The following FAM20C variants were observed in gnomAD, a reference collection of about 807,000 sequenced individuals.
FAM20C encodes FAM20C golgi associated secretory pathway kinase, also known as extracellular serine/threonine protein kinase FAM20C.
Under a neutral mutation model 51.5 loss-of-function variants are expected in FAM20C, and 40 were observed. That is an observed-to-expected ratio of 0.78 (90% confidence interval 0.60 to 1.01). The LOEUF (loss-of-function observed/expected upper bound fraction) is 1.01, where lower values mean the gene tolerates loss of function less well. FAM20C is among the 50% of genes least tolerant of loss of function. The pLI is 0.00. For synonymous variants in FAM20C, 406 were observed against 380.6 expected (o/e 1.07, Z -0.78); for missense variants, 861 against 844.7 (o/e 1.02, Z -0.24).
chr7:227,398 C>G (rs575988678), intron 3 of FAM20C, among the ~76,000 whole-genome samples: 201 of 151,990 alleles, frequency 1.3e-3, no homozygotes, highest in Non-Finnish European at 2.2e-3. Context: ...GATTTAAGAT[C>G]TCCTTAGACA....
rs775013594 is a variant in FAM20C, at chr7:256,783, G to A, written c.1363+20G>A. On this transcript the variant is annotated intron_variant, in intron 7 of 9. Transcript: ENST00000313766. ...TCATGGGTACGTCCCGCAGGGGCAC[G>A]GGGTCCCCGTGTCACTCGCCTTGCG... 2.5e-5 allele frequency: 39 copies of A among 1,532,172 alleles called. No individual in the cohort carries two copies. Among genetic ancestry groups the A allele is most frequent in the South Asian group, 6.0e-5 (5 of 83,938 alleles). The allele number at this position is 1,532,172 out of a possible 1,614,324, so 94.9% of individuals were successfully genotyped here.
rs906192112 is a variant in FAM20C, at chr7:214,479, G to A, written c.863+5503G>A. Among the ~76,000 whole-genome samples the A allele has an allele frequency of 7.2e-5, 11 of 152,338 alleles. 1 individual carries two copies. Among genetic ancestry groups the A allele is most frequent in the Middle Eastern group, 6.8e-3 (2 of 294 alleles). On this transcript the variant is annotated intron_variant, in intron 3 of 9. Transcript: ENST00000313766. The stretch of plus-strand genomic sequence containing the variant: ...AATTACGTTTGAATGCTGAAAGCAC[G>A]TGTGTTAGGCGAAGAGTGGTGCGGG...
intron 3 of FAM20C, among the ~76,000 whole-genome samples, chr7:243,937 T>C (rs1788040043): frequency 1.5e-5 from 2 of 130,948 alleles, no homozygotes; most frequent in East Asian, 2.2e-4. Context: ...ATAATAATAA[T>C]AATAATAATT....
chr7:213,186 G>A (rs1002836243), intron 3 of FAM20C, among the ~76,000 whole-genome samples: 3 of 137,110 alleles, frequency 2.2e-5, no homozygotes, highest in African/African-American at 7.6e-5. Flanking sequence ...TGAGTGACAT[G>A]GACGGCTGTG....
intron 2 of FAM20C, among the ~76,000 whole-genome samples, chr7:202,173 T>C (rs1786158881): frequency 6.6e-6 from 1 of 152,222 alleles, no homozygotes; most frequent in Non-Finnish European, 1.5e-5. Flanking sequence ...GCAGTGGACA[T>C]CTTCCCATGT....
intron 7 of FAM20C, 62 bp from the exon 8 acceptor site, chr7:256,943 G>A (rs1302233611): frequency 6.6e-7 from 1 of 1,512,326 alleles, no homozygotes; most frequent in Non-Finnish European, 8.9e-7. Flanking sequence ...AGAGCACAGA[G>A]GCCTCTGAGC....
intron 2 of FAM20C, among the ~76,000 whole-genome samples, chr7:196,070 T>C (rs917575979): frequency 7.9e-5 from 12 of 152,102 alleles, no homozygotes; most frequent in African/African-American, 2.7e-4. Flanking sequence ...GGGGTATCTC[T>C]GGCGGCGGTG....
At position 193,187 on chromosome 7, in the gene FAM20C, G is replaced by C. The variant is rs1218283532; in HGVS notation, c.-13G>C. The C allele has an allele frequency of 1.4e-6, 2 of 1,450,888 alleles. No homozygotes were observed. The highest frequency in any genetic ancestry group is 4.3e-5 in the Admixed American group (2 of 46,882). The allele number at this position is 1,450,888 out of a possible 1,614,324, so 89.9% of individuals were successfully genotyped here. On this transcript the variant is annotated 5_prime_UTR_variant, in exon 1 of 10. Coordinates refer to ENST00000313766, the MANE Select transcript of FAM20C (RefSeq NM_020223.4). ...GCAGAACGCGCTCCAGGCCCGGGCC[G>C]GCCCGCGCGGCCATGAAGATGATGC... is the stretch of plus-strand genomic sequence containing the variant.
At chr7:243,174 G>A (rs1330319578) in intron 3 of FAM20C, among the ~76,000 whole-genome samples, 5 of 10,522 alleles carry the variant, frequency 4.8e-4, no homozygotes, top group African/African-American at 4.6e-3. Context: ...TGTGCCACCC[G>A]GGAGACCTGT....
At chr7:248,679 C>T (rs561519613) in intron 5 of FAM20C, among the ~76,000 whole-genome samples, 5 of 145,750 alleles carry the variant, frequency 3.4e-5, no homozygotes, top group Admixed American at 6.8e-5. Context: ...ACATTCACCT[C>T]TCCAGGTAGC....
At position 253,868 on chromosome 7, in the gene FAM20C, G is replaced by A. The variant is rs1011334662; in HGVS notation, c.1073-1981G>A. On this transcript the variant is annotated intron_variant, in intron 5 of 9. Transcript: ENST00000313766. The stretch of plus-strand genomic sequence containing the variant: ...GGACGGGAGGCTGTTAACAGCAGAC[G>A]AATTTTAAGCCTCCAGCCAATGAGC... 6.6e-5 allele frequency among the ~76,000 whole-genome samples: 10 copies of A among 152,332 alleles called. 1 individual carries two copies. The South Asian group carries it at 1.7e-3, about 25-fold the overall frequency.
intron 3 of FAM20C, among the ~76,000 whole-genome samples, chr7:215,265 T>TG (rs1786910800): frequency 1.1e-5 from 1 of 92,098 alleles, no homozygotes; most frequent in Non-Finnish European, 2.3e-5. Flanking sequence ...ATGGAGAGGA[T>TG]GGAGCTGGGT....
Position 240,411 on chromosome 7 carries a change from G to A in FAM20C, c.864-6004G>A, listed in dbSNP as rs1787904377. ...TAGAGGTAATAGTGATAATGATGATGATGATGGTGACAGTGATGATGATGA... is the reference window on the plus strand; with the variant it reads ...TAGAGGTAATAGTGATAATGATGATAATGATGGTGACAGTGATGATGATGA... On this transcript the variant is annotated intron_variant, in intron 3 of 9. Transcript: ENST00000313766. Among the ~76,000 whole-genome samples, 22 of 136,290 alleles carry A rather than the reference G, an allele frequency of 1.6e-4. 1 individual carries two copies. Among genetic ancestry groups the A allele is most frequent in the African/African-American group, 5.8e-4 (20 of 34,642 alleles). 89.4% of individuals were successfully genotyped at this position (136,290 alleles called of 152,430 possible). A position where few individuals can be genotyped will look rare whatever the true frequency, so the allele number is the denominator to read the frequency against.
chr7:224,043 C>A (rs1022559683), intron 3 of FAM20C, among the ~76,000 whole-genome samples: 1 of 145,154 alleles, frequency 6.9e-6, no homozygotes, highest in African/African-American at 2.5e-5. Flanking sequence ...GTCCCCTGAG[C>A]CTTCTCTCAT....
chr7:243,462 A>G (rs866195773), intron 3 of FAM20C, among the ~76,000 whole-genome samples: 6 of 5,660 alleles, frequency 1.1e-3, no homozygotes, highest in South Asian at 0.013. Flanking sequence ...GTGCCACCCA[A>G]GAGACCTGTG....
intron 2 of FAM20C, among the ~76,000 whole-genome samples, chr7:201,704 G>A (rs534358204): frequency 3.3e-5 from 5 of 152,322 alleles, no homozygotes; most frequent in African/African-American, 1.2e-4. Flanking sequence ...TATGTAAGAC[G>A]CTTATTTCAT....
intron 3 of FAM20C, among the ~76,000 whole-genome samples, chr7:210,435 T>G (rs556643002): frequency 1.0e-3 from 148 of 148,198 alleles, no homozygotes; most frequent in African/African-American, 3.3e-3. Context: ...GAGCCGGGGG[T>G]GGGCAGGAGA....
rs542580647 is a variant in FAM20C at position 193,746 on chromosome 7, C to T, written c.547C>T (p.Leu183=). 2.6e-6 allele frequency: 4 copies of T among 1,548,900 alleles called. No individual in the cohort carries two copies. In the African/African-American group the frequency reaches 4.1e-5, roughly 16 times the overall value. Residue 183 remains leucine, a synonymous_variant, in exon 1 of 10, where the codon CTG becomes TTG. Coordinates refer to ENST00000313766, the MANE Select transcript of FAM20C (RefSeq NM_020223.4). ...TCCGCCGCTCACGGAGGAGGACGTC[C>T]TGTTCAATGTGAACAGCGACACCAG... ...AVPPLTEEDV[L]FNVNSDTRLS...
At chr7:209,112 C>G (rs1786585506) in intron 3 of FAM20C, 136 bp downstream of exon 3, 1 of 840,356 alleles carries the variant, frequency 1.2e-6, no homozygotes, top group Non-Finnish European at 1.9e-6. Flanking sequence ...TCTCAACTCT[C>G]CCCGTCATGG....
Sources: gnomAD v4.1 joint callset for allele counts (sites outside exome capture counted in the v4.1 genomes callset) on GRCh38, gnomAD v4.1.1 for gene constraint, MANE v1.5 for transcripts, NCBI Gene and HGNC (gene_info 2026-07-23, HGNC 2026-07-21) for gene names.